The following NTN4 variants were observed in gnomAD, a reference collection of about 807,000 sequenced individuals.
NTN4 encodes netrin-4.
NTN4 carries 32 observed loss-of-function variants against 73.6 expected under a neutral mutation model. That is an observed-to-expected ratio of 0.44 (90% CI 0.33 to 0.58). The LOEUF is 0.58. NTN4 is among the 20% of genes least tolerant of loss of function. The pLI is 0.04. For missense variants in NTN4, 654 were observed against 798.3 expected (o/e 0.82, Z 2.18); for synonymous variants, 258 against 287.5 (o/e 0.90, Z 1.04).
intron 3 of NTN4, among the ~76,000 whole-genome samples, chr12:95,728,875 T>C (rs1195428512): frequency 6.6e-6 from 1 of 152,142 alleles, no homozygotes; most frequent in Non-Finnish European, 1.5e-5. Context: ...GCCCTCAGGA[T>C]AGTGAGTTCT....
At chr12:95,726,107 T>C (rs1263872561) in intron 3 of NTN4, among the ~76,000 whole-genome samples, 1 of 151,800 alleles carries the variant, frequency 6.6e-6, no homozygotes, top group Non-Finnish European at 1.5e-5. Context: ...TTTTTCTAAC[T>C]GAGATAACAT....
At chr12:95,735,933 A>G (rs1290198913) in intron 3 of NTN4, among the ~76,000 whole-genome samples, 1 of 146,430 alleles carries the variant, frequency 6.8e-6, no homozygotes, top group Non-Finnish European at 1.5e-5. Flanking sequence ...TTATTTATTT[A>G]TTTATTTATT....
At chr12:95,745,172 T>C (rs2078853468) in intron 2 of NTN4, among the ~76,000 whole-genome samples, 6 of 152,172 alleles carry the variant, frequency 3.9e-5, no homozygotes, top group Admixed American at 3.9e-4. Flanking sequence ...GTTGCACTTC[T>C]TGGATCCATG....
At chr12:95,747,776 A>G (rs1477882404) in intron 2 of NTN4, among the ~76,000 whole-genome samples, 5 of 152,208 alleles carry the variant, frequency 3.3e-5, no homozygotes, top group African/African-American at 1.2e-4. Flanking sequence ...TGGAATAACT[A>G]TAATAAAAAT....
At chr12:95,771,788 C>A (rs2079060864) in intron 2 of NTN4, among the ~76,000 whole-genome samples, 1 of 152,048 alleles carries the variant, frequency 6.6e-6, no homozygotes, top group Admixed American at 6.6e-5. Context: ...TTTCTTCCTC[C>A]TTCAATATAG....
intron 2 of NTN4, among the ~76,000 whole-genome samples, chr12:95,746,202 GAT>G (rs1282114763): frequency 6.6e-6 from 1 of 152,174 alleles, no homozygotes; most frequent in Non-Finnish European, 1.5e-5. Context: ...TAACTGATAA[GAT>G]ACTGTGGCGA....
chr12:95,768,296 G>A (rs2079033775), intron 2 of NTN4, among the ~76,000 whole-genome samples: 1 of 152,064 alleles, frequency 6.6e-6, no homozygotes, highest in Admixed American at 6.6e-5. Flanking sequence ...GAATATTGGT[G>A]CAAGGTGAAG....
At chr12:95,782,854 GTTAC>G (rs913673937) in intron 2 of NTN4, among the ~76,000 whole-genome samples, 1 of 152,204 alleles carries the variant, frequency 6.6e-6, no homozygotes, top group Non-Finnish European at 1.5e-5. Flanking sequence ...TCCCTTTAGA[GTTAC>G]TTTTGGGCCA....
At chr12:95,780,310 G>T (rs964413344) in intron 2 of NTN4, among the ~76,000 whole-genome samples, 4 of 152,092 alleles carry the variant, frequency 2.6e-5, no homozygotes, top group African/African-American at 7.2e-5. Flanking sequence ...GGCATCTAAT[G>T]AAACTAAAGA....
At chr12:95,734,236 T>C (rs1407134893) in intron 3 of NTN4, among the ~76,000 whole-genome samples, 1 of 152,174 alleles carries the variant, frequency 6.6e-6, no homozygotes, top group African/African-American at 2.4e-5. Flanking sequence ...AAATCAGGTT[T>C]CATTAATTAC....
intron 8 of NTN4, among the ~76,000 whole-genome samples, chr12:95,667,329 T>C (rs2078189237): frequency 6.6e-6 from 1 of 151,932 alleles, no homozygotes; most frequent in Admixed American, 6.6e-5. Context: ...TAGCTGGGAT[T>C]ACAGGCCACC....
intron 8 of NTN4, among the ~76,000 whole-genome samples, chr12:95,667,338 C>T (rs373180650): frequency 2.0e-5 from 3 of 151,826 alleles, no homozygotes; most frequent in South Asian, 2.1e-4. Flanking sequence ...TTACAGGCCA[C>T]CACGCCCGGC....
Position 95,685,525 on chromosome 12 carries a change from T to C in NTN4, c.1181-1814A>G, listed in dbSNP as rs528319597. 5.2e-5 allele frequency among the ~76,000 whole-genome samples: 8 copies of C among 152,382 alleles called. No individual in the cohort carries two copies. The East Asian group carries it at 1.5e-3, about 29-fold the overall frequency. ...CAGTTGACATGATTTTAAATGAAAC[T>C]ACTTCAGCAAGGTGCATAGCACAGT... On this transcript the variant is annotated intron_variant, in intron 5 of 9. Coordinates refer to ENST00000343702, the MANE Select transcript of NTN4 (RefSeq NM_021229.4).
chr12:95,752,883 T>G (rs2078920632), intron 2 of NTN4, among the ~76,000 whole-genome samples: 1 of 152,196 alleles, frequency 6.6e-6, no homozygotes, highest in Admixed American at 6.5e-5. Flanking sequence ...ACTCTCTACA[T>G]TTCTCATAGC....
Position 95,683,490 on chromosome 12 carries a change from A to C in NTN4, c.1394+8T>G, listed in dbSNP as rs753999743. ...ATGCAGCTGAGAGCAAGAGCCTTGC[A>C]CATTCACCTGCTGATGCAGTCTCCG... is the stretch of plus-strand genomic sequence containing the variant. On this transcript the variant is annotated splice_region_variant and intron_variant, in intron 6 of 9. Coordinates refer to ENST00000343702, the MANE Select transcript of NTN4 (RefSeq NM_021229.4). 1.2e-6 allele frequency: 2 copies of C among 1,611,186 alleles called. No individual in the cohort carries two copies. The highest frequency in any genetic ancestry group is 1.7e-6 in the Non-Finnish European group (2 of 1,177,578).
chr12:95,735,901 A>T (rs536917963), intron 3 of NTN4, among the ~76,000 whole-genome samples: 2,734 of 138,278 alleles, frequency 0.02, 89 homozygotes, highest in African/African-American at 0.07. Context: ...GATTTTTTTT[A>T]AATTTTTATT....
chr12:95,741,022 C>T (rs1474259048), intron 2 of NTN4, among the ~76,000 whole-genome samples: 3 of 152,120 alleles, frequency 2.0e-5, no homozygotes, highest in Admixed American at 2.0e-4. Context: ...AATTTTAAAA[C>T]CTGCTTAGAA....
intron 9 of NTN4, among the ~76,000 whole-genome samples, chr12:95,660,329 A>G (rs547394098): frequency 1.6e-4 from 24 of 152,300 alleles, no homozygotes; most frequent in African/African-American, 5.1e-4. Context: ...GAGGATTTTT[A>G]TAAAAGTGAA....
intron 2 of NTN4, 68 bp from the exon 3 acceptor site, chr12:95,738,212 G>T: frequency 1.4e-6 from 2 of 1,398,880 alleles, no homozygotes; most frequent in South Asian, 1.3e-5. Flanking sequence ...TTTGCCTAAT[G>T]TAGTCCCTGT....
Sources: allele counts gnomAD v4.1 joint callset (sites outside exome capture counted in the v4.1 genomes callset), GRCh38; gene constraint gnomAD v4.1.1; transcripts MANE v1.5; gene names NCBI Gene and HGNC (gene_info 2026-07-23, HGNC 2026-07-21).